The following SEMA5A variants were observed in gnomAD, a reference collection of about 807,000 sequenced individuals.
SEMA5A encodes the protein semaphorin-5A.
In SEMA5A, 55 loss-of-function variants were observed where a neutral mutation model predicts 135.5. That is an observed-to-expected ratio of 0.41 (90% CI 0.33 to 0.51). SEMA5A has a LOEUF of 0.51. Ranked by LOEUF, SEMA5A falls within the 20% of genes least tolerant of loss-of-function variation. The probability of loss-of-function intolerance (pLI) is 0.37; values close to 1 mark genes in which losing one functional copy is unlikely to be tolerated. For synonymous variants in SEMA5A, 580 were observed against 546.5 expected (o/e 1.06, Z -0.85); for missense variants, 1,290 against 1,419.9 (o/e 0.91, Z 1.47).
intron 3 of SEMA5A, among the ~76,000 whole-genome samples, chr5:9,367,132 A>G (rs553695002): frequency 7.7e-4 from 118 of 152,368 alleles, no homozygotes; most frequent in African/African-American, 2.6e-3. Flanking sequence ...GACACTGGCA[A>G]TAAATGACTA....
chr5:9,102,140 G>A (rs756838938), intron 16 of SEMA5A, among the ~76,000 whole-genome samples: 1 of 152,146 alleles, frequency 6.6e-6, no homozygotes. Context: ...GGGAACTAAC[G>A]ATTACAAACA....
intron 1 of SEMA5A, among the ~76,000 whole-genome samples, chr5:9,492,375 A>C (rs1735064424): frequency 6.6e-6 from 1 of 152,236 alleles, no homozygotes; most frequent in Admixed American, 6.5e-5. Flanking sequence ...AAGCTAATGC[A>C]GGGATTCCAT....
At chr5:9,296,643 T>C (rs1174751847) in intron 5 of SEMA5A, among the ~76,000 whole-genome samples, 1 of 152,066 alleles carries the variant, frequency 6.6e-6, no homozygotes, top group Non-Finnish European at 1.5e-5. Context: ...TATTCTCTAA[T>C]TACAAAAAGG....
At chr5:9,326,272 A>T (rs987247878) in intron 4 of SEMA5A, among the ~76,000 whole-genome samples, 1 of 152,164 alleles carries the variant, frequency 6.6e-6, no homozygotes, top group Non-Finnish European at 1.5e-5. Context: ...TATGTTTGAG[A>T]TGGAGTCTCG....
intron 5 of SEMA5A, among the ~76,000 whole-genome samples, chr5:9,309,033 A>G (rs530621629): frequency 6.6e-6 from 1 of 152,326 alleles, no homozygotes; most frequent in African/African-American, 2.4e-5. Context: ...ACAGGAGTTC[A>G]GGCATTACTT....
chr5:9,062,334 G>A (rs1218714728), intron 18 of SEMA5A, among the ~76,000 whole-genome samples: 2 of 152,180 alleles, frequency 1.3e-5, no homozygotes, highest in Admixed American at 6.5e-5. Flanking sequence ...TGAGAGAATG[G>A]TCTTAATATT....
intron 2 of SEMA5A, among the ~76,000 whole-genome samples, chr5:9,437,280 T>C (rs180828040): frequency 6.6e-6 from 1 of 152,294 alleles, no homozygotes; most frequent in East Asian, 1.9e-4. Context: ...ATGCCCACAA[T>C]TGTTTTACTT....
At chr5:9,511,881 C>T (rs1736223933) in intron 1 of SEMA5A, 1 of 151,982 alleles carries the variant, frequency 6.6e-6, no homozygotes, top group Admixed American at 6.6e-5. Flanking sequence ...AACTAGAAAA[C>T]AAACAATTTG....
At chr5:9,201,136 C>T (rs1236517780) in intron 9 of SEMA5A, among the ~76,000 whole-genome samples, 1 of 152,138 alleles carries the variant, frequency 6.6e-6, no homozygotes, top group East Asian at 1.9e-4. Flanking sequence ...AGTGTAGGAT[C>T]AGCAGCAGCA....
intron 1 of SEMA5A, chr5:9,517,665 G>A (rs972331428): frequency 6.6e-6 from 1 of 152,178 alleles, no homozygotes; most frequent in African/African-American, 2.4e-5. Flanking sequence ...GGGTTTTAAT[G>A]TAATTAATCT....
intron 15 of SEMA5A, among the ~76,000 whole-genome samples, chr5:9,111,105 C>T (rs1740216897): frequency 6.6e-6 from 1 of 152,094 alleles, no homozygotes; most frequent in African/African-American, 2.4e-5. Flanking sequence ...TTGAGGAAGT[C>T]AAGAAAACTC....
intron 11 of SEMA5A, among the ~76,000 whole-genome samples, chr5:9,165,503 A>G (rs1743555480): frequency 6.6e-6 from 1 of 152,212 alleles, no homozygotes; most frequent in Non-Finnish European, 1.5e-5. Flanking sequence ...TGTGAGGAAG[A>G]CAAGTGGCAC....
intron 16 of SEMA5A, among the ~76,000 whole-genome samples, chr5:9,067,792 G>T (rs1402900254): frequency 6.6e-6 from 1 of 151,858 alleles, no homozygotes; most frequent in Non-Finnish European, 1.5e-5. Context: ...TTATCTTTTG[G>T]ATGTAAACTC....
At chr5:9,406,547 G>A (rs1020357709) in intron 2 of SEMA5A, among the ~76,000 whole-genome samples, 1 of 152,128 alleles carries the variant, frequency 6.6e-6, no homozygotes, top group Non-Finnish European at 1.5e-5. Flanking sequence ...TTGTATAAAT[G>A]CATCAAATAT....
chr5:9,277,946 C>G (rs115695833), intron 5 of SEMA5A, among the ~76,000 whole-genome samples: 1 of 151,808 alleles, frequency 6.6e-6, no homozygotes, highest in African/African-American at 2.4e-5. Flanking sequence ...TACCCCAGAA[C>G]TTAAAGTATA....
At chr5:9,357,412 A>G (rs900023354) in intron 3 of SEMA5A, among the ~76,000 whole-genome samples, 4 of 152,226 alleles carry the variant, frequency 2.6e-5, no homozygotes, top group Non-Finnish European at 4.4e-5. Flanking sequence ...CTGTCATTCT[A>G]GAAGGGCTAT....
intron 11 of SEMA5A, among the ~76,000 whole-genome samples, chr5:9,175,013 G>T (rs1274242512): frequency 6.6e-6 from 1 of 152,130 alleles, no homozygotes; most frequent in Non-Finnish European, 1.5e-5. Context: ...ACATTTTATG[G>T]TTCTAAGAAG....
intron 19 of SEMA5A, among the ~76,000 whole-genome samples, chr5:9,053,441 T>C (rs1251798216): frequency 6.6e-6 from 1 of 152,220 alleles, no homozygotes; most frequent in Non-Finnish European, 1.5e-5. Context: ...TTTGATGTCA[T>C]GCTTTTTCTT....
At chr5:9,064,155 C>T (rs1181162984) in intron 17 of SEMA5A, among the ~76,000 whole-genome samples, 2 of 152,138 alleles carry the variant, frequency 1.3e-5, no homozygotes, top group Admixed American at 6.5e-5. Context: ...TTAGAATTGT[C>T]TGTCTGTGAT....
Sources: gnomAD v4.1 joint callset for allele counts (sites outside exome capture counted in the v4.1 genomes callset) on GRCh38, gnomAD v4.1.1 for gene constraint, MANE v1.5 for transcripts, NCBI Gene and HGNC (gene_info 2026-07-23, HGNC 2026-07-21) for gene names.